The following PTPRJ variants were observed in gnomAD, a reference collection of about 807,000 sequenced individuals.
PTPRJ encodes receptor-type tyrosine-protein phosphatase eta.
A neutral mutation model predicts 141.3 loss-of-function variants in PTPRJ; 129 were observed. The observed-to-expected ratio is 0.91, with a 90% CI of 0.79 to 1.06. The LOEUF (loss-of-function observed/expected upper bound fraction) is 1.06. Ranked by LOEUF, PTPRJ falls within the 50% of genes least tolerant of loss-of-function variation. PTPRJ has a pLI of 0.00. For synonymous variants in PTPRJ, 610 were observed against 640.5 expected (o/e 0.95, Z 0.72); for missense variants, 1,601 against 1,679.7 (o/e 0.95, Z 0.82).
At chr11:48,074,394 T>A (rs1278226473) in intron 1 of PTPRJ, among the ~76,000 whole-genome samples, 1 of 152,224 alleles carries the variant, frequency 6.6e-6, no homozygotes, top group African/African-American at 2.4e-5. Flanking sequence ...ACAAGAATCA[T>A]GTATATCATG....
intron 24 of PTPRJ, among the ~76,000 whole-genome samples, chr11:48,165,673 A>G (rs1857900151): frequency 6.6e-6 from 1 of 151,492 alleles, no homozygotes. Context: ...GTGAAATTCA[A>G]CTCCTGTGTT....
intron 6 of PTPRJ, 60 bp downstream of exon 6, chr11:48,125,246 C>G: frequency 6.5e-7 from 1 of 1,548,464 alleles, no homozygotes; most frequent in South Asian, 1.1e-5. Flanking sequence ...GTTCTGTCTC[C>G]TGTGATTCTG....
At chr11:48,088,798 C>T (rs1035653490) in intron 1 of PTPRJ, among the ~76,000 whole-genome samples, 4 of 152,156 alleles carry the variant, frequency 2.6e-5, no homozygotes, top group African/African-American at 9.7e-5. Context: ...CTGTCTCCTT[C>T]TCCCCCTCCT....
intron 7 of PTPRJ, 87 bp downstream of exon 7, chr11:48,128,130 T>TG: frequency 6.7e-7 from 1 of 1,481,868 alleles, no homozygotes; most frequent in Non-Finnish European, 9.2e-7. Flanking sequence ...GTAGTAATGG[T>TG]GACTGTTGGC....
At chr11:48,059,511 G>C (rs919444783) in intron 1 of PTPRJ, among the ~76,000 whole-genome samples, 4 of 152,176 alleles carry the variant, frequency 2.6e-5, no homozygotes, top group Non-Finnish European at 5.9e-5. Flanking sequence ...ATGCTGGTCT[G>C]TTAGTTGACT....
At position 48,137,132 on chromosome 11, in the gene PTPRJ, G is replaced by A; in HGVS notation, c.2003G>A (p.Ser668Asn). Residue 668 changes from serine to asparagine, a missense_variant, in exon 10 of 25, where the codon AGC becomes AAC. Coordinates refer to ENST00000418331, the MANE Select transcript of PTPRJ (RefSeq NM_002843.4). The stretch of plus-strand genomic sequence containing the variant: ...CTTATTGAGAAGGCTGGAAATTCCA[G>A]CAACGCAACACAAGTAGTCACGGAC... The part of the protein sequence containing the change: ...CLLIEKAGNS[S>N]NATQVVTDIG... The A allele has an allele frequency of 6.2e-7, 1 of 1,612,696 alleles. No homozygotes were observed. Among genetic ancestry groups the A allele is most frequent in the Non-Finnish European group, 8.5e-7 (1 of 1,178,686 alleles).
At chr11:48,072,297 C>A (rs1855283229) in intron 1 of PTPRJ, among the ~76,000 whole-genome samples, 1 of 152,166 alleles carries the variant, frequency 6.6e-6, no homozygotes, top group Non-Finnish European at 1.5e-5. Flanking sequence ...CTGGCCAGGG[C>A]CTTCTTGCTG....
rs375220855 is a variant in PTPRJ at position 48,116,673 on chromosome 11, A to G, written c.352+3690A>G. On this transcript the variant is annotated intron_variant, in intron 3 of 24. Coordinates refer to ENST00000418331, the MANE Select transcript of PTPRJ (RefSeq NM_002843.4). ...CTCCAGGTAGATCATATGTTAGACC[A>G]CAAAACAAGTGTTAACAGATTTAAG... Among the ~76,000 whole-genome samples the G allele has an allele frequency of 1.1e-4, 16 of 152,370 alleles. 1 individual carries two copies. The East Asian group carries it at 2.9e-3, about 28-fold the overall frequency.
chr11:48,148,921 G>C (rs142893508), intron 15 of PTPRJ, among the ~76,000 whole-genome samples: 1 of 152,088 alleles, frequency 6.6e-6, no homozygotes, highest in East Asian at 1.9e-4. Context: ...GGCAAGTGCT[G>C]GGTCAGTGGG....
At chr11:48,118,925 C>T (rs1403117240) in intron 3 of PTPRJ, among the ~76,000 whole-genome samples, 1 of 144,056 alleles carries the variant, frequency 6.9e-6, no homozygotes, top group African/African-American at 2.6e-5. Flanking sequence ...GAGGCTGAGG[C>T]AGGAGAATCG....
chr11:48,108,639 C>G (rs1035050017), intron 1 of PTPRJ, among the ~76,000 whole-genome samples: 2 of 152,226 alleles, frequency 1.3e-5, no homozygotes, highest in Non-Finnish European at 2.9e-5. Context: ...GTTTGCTGCC[C>G]TGTGCGACTT....
At chr11:48,148,152 G>A (rs1857396376) in intron 15 of PTPRJ, among the ~76,000 whole-genome samples, 1 of 152,042 alleles carries the variant, frequency 6.6e-6, no homozygotes, top group Non-Finnish European at 1.5e-5. Context: ...GCCAGATTAG[G>A]TTCTGATTTT....
chr11:47,989,701 C>T (rs777881173), intron 1 of PTPRJ, among the ~76,000 whole-genome samples: 16 of 152,090 alleles, frequency 1.1e-4, no homozygotes, highest in Non-Finnish European at 2.1e-4. Flanking sequence ...ATTAGTCCTT[C>T]GATTGTCATT....
intron 1 of PTPRJ, among the ~76,000 whole-genome samples, chr11:48,035,016 A>G (rs1024054866): frequency 2.0e-5 from 3 of 152,218 alleles, no homozygotes; most frequent in African/African-American, 7.2e-5. Context: ...CCAGAATTCA[A>G]ACTCGAGTTT....
In PTPRJ at chr11:48,123,552, T is replaced by A. The variant is rs1856758351; in HGVS notation, c.617-61T>A. ...GCTCCCAGCACTGAACCCCAGTCAT[T>A]CTTAATGAAGGTGACTGCATATATC... On this transcript the variant is annotated intron_variant, in intron 4 of 24. Transcript: ENST00000418331. The A allele has an allele frequency of 2.4e-5, 37 of 1,527,964 alleles. No homozygotes were observed. The South Asian group carries it at 4.3e-4, about 18-fold the overall frequency. 94.7% of individuals were successfully genotyped at this position (1,527,964 alleles called of 1,614,324 possible).
At chr11:48,064,596 AATGT>A (rs58452311) in intron 1 of PTPRJ, among the ~76,000 whole-genome samples, 9,980 of 151,954 alleles carry the variant, frequency 0.066, 490 homozygotes, top group African/African-American at 0.13. Context: ...CCGAGCTGCA[AATGT>A]ATTTATTTAT....
At chr11:48,156,216 A>T in intron 21 of PTPRJ, 97 bp downstream of exon 21, 3 of 1,085,328 alleles carry the variant, frequency 2.8e-6, no homozygotes, top group Non-Finnish European at 1.3e-6. Context: ...TCTTTAAAAA[A>T]ACTCAAACAT....
intron 1 of PTPRJ, among the ~76,000 whole-genome samples, chr11:48,056,104 C>G (rs1300370866): frequency 6.6e-6 from 1 of 152,152 alleles, no homozygotes; most frequent in East Asian, 1.9e-4. Context: ...AAAGTTAACA[C>G]GCATTGTGGA....
intron 15 of PTPRJ, among the ~76,000 whole-genome samples, chr11:48,147,399 A>C (rs948079960): frequency 6.6e-6 from 1 of 152,212 alleles, no homozygotes; most frequent in African/African-American, 2.4e-5. Context: ...TTGAATAAAT[A>C]AGGCACTTCT....
Sources: gnomAD v4.1 joint callset for allele counts (sites outside exome capture counted in the v4.1 genomes callset) on GRCh38, gnomAD v4.1.1 for gene constraint, MANE v1.5 for transcripts, NCBI Gene and HGNC (gene_info 2026-07-23, HGNC 2026-07-21) for gene names.